MACROD2: variants seen among roughly 807,000 people sequenced by gnomAD.
MACROD2 encodes mono-ADP ribosylhydrolase 2, also known as ADP-ribose glycohydrolase MACROD2.
MACROD2 carries 36 observed loss-of-function variants against 70.4 expected under a neutral mutation model. That is an observed-to-expected ratio of 0.51 (90% CI 0.39 to 0.68). MACROD2 has a LOEUF of 0.68. Among genes scored for constraint, MACROD2 ranks in the 30% least tolerant of loss-of-function variants. MACROD2 has a pLI of 0.00. For missense variants in MACROD2, 496 were observed against 538.4 expected (o/e 0.92, Z 0.78); for synonymous variants, 172 against 178.8 (o/e 0.96, Z 0.30).
At chr20:14,936,591 G>A (rs569882528) in intron 5 of MACROD2, among the ~76,000 whole-genome samples, 1 of 151,660 alleles carries the variant, frequency 6.6e-6, no homozygotes, top group African/African-American at 2.4e-5. Context: ...GCTGATCCAG[G>A]TTATATGGGA....
At chr20:15,518,755 T>C (rs914389999) in intron 8 of MACROD2, among the ~76,000 whole-genome samples, 1 of 152,114 alleles carries the variant, frequency 6.6e-6, no homozygotes, top group Non-Finnish European at 1.5e-5. Flanking sequence ...TCCCAACACT[T>C]TGTGAGGCTG....
At chr20:16,010,263 A>G (rs2066845899) in intron 15 of MACROD2, among the ~76,000 whole-genome samples, 1 of 152,124 alleles carries the variant, frequency 6.6e-6, no homozygotes, top group African/African-American at 2.4e-5. Context: ...TACACAGCCT[A>G]ATTGCAGGAG....
At chr20:15,192,888 G>A (rs1036595790) in intron 5 of MACROD2, among the ~76,000 whole-genome samples, 6 of 152,188 alleles carry the variant, frequency 3.9e-5, no homozygotes, top group Admixed American at 3.9e-4. Flanking sequence ...TTTATAGTTT[G>A]CAATGTTCCT....
chr20:15,415,527 T>G (rs1293939985), intron 6 of MACROD2, among the ~76,000 whole-genome samples: 2 of 152,228 alleles, frequency 1.3e-5, no homozygotes, highest in Non-Finnish European at 2.9e-5. Flanking sequence ...ATATAACACT[T>G]GGCTGTAGTA....
chr20:15,074,453 C>T (rs1340368516), intron 5 of MACROD2, among the ~76,000 whole-genome samples: 1 of 152,164 alleles, frequency 6.6e-6, no homozygotes, highest in Non-Finnish European at 1.5e-5. Flanking sequence ...TTATTCATTC[C>T]TTATCCGTAT....
At chr20:14,691,809 A>G (rs899822702) in intron 5 of MACROD2, among the ~76,000 whole-genome samples, 6 of 152,172 alleles carry the variant, frequency 3.9e-5, no homozygotes, top group Non-Finnish European at 7.4e-5. Context: ...AGCCCCTTCC[A>G]TAATCAAATG....
chr20:14,774,875 T>C (rs1231917766), intron 5 of MACROD2, among the ~76,000 whole-genome samples: 2 of 152,108 alleles, frequency 1.3e-5, no homozygotes, highest in Non-Finnish European at 2.9e-5. Context: ...TGCTGCTTTA[T>C]TTATTATTTA....
chr20:14,665,752 A>G (rs1384605536), intron 4 of MACROD2, among the ~76,000 whole-genome samples: 2 of 151,990 alleles, frequency 1.3e-5, no homozygotes, highest in Non-Finnish European at 2.9e-5. Flanking sequence ...TCCATCCTTT[A>G]GATTTCGTTT....
intron 8 of MACROD2, among the ~76,000 whole-genome samples, chr20:15,700,481 GC>G (rs2050441292): frequency 1.3e-5 from 2 of 152,206 alleles, no homozygotes; most frequent in Non-Finnish European, 2.9e-5. Flanking sequence ...TTAGCAGTCT[GC>G]CCGTTTCTTT....
At chr20:14,057,806 G>A (rs940668417) in intron 2 of MACROD2, among the ~76,000 whole-genome samples, 3 of 152,134 alleles carry the variant, frequency 2.0e-5, no homozygotes, top group Non-Finnish European at 4.4e-5. Context: ...GATTATGGTA[G>A]ATTTAATTCA....
chr20:14,157,382 A>G (rs537379634), intron 3 of MACROD2, among the ~76,000 whole-genome samples: 2 of 152,106 alleles, frequency 1.3e-5, no homozygotes, highest in African/African-American at 2.4e-5. Flanking sequence ...AGTATTTATC[A>G]TTTGTATATG....
chr20:14,702,317 C>G (rs1240217961), intron 5 of MACROD2, among the ~76,000 whole-genome samples: 1 of 151,508 alleles, frequency 6.6e-6, no homozygotes, highest in African/African-American at 2.4e-5. Flanking sequence ...ACAAATTCTT[C>G]TTTTCAGTCT....
intron 15 of MACROD2, among the ~76,000 whole-genome samples, chr20:15,998,162 G>A (rs1461537473): frequency 6.6e-6 from 1 of 152,112 alleles, no homozygotes; most frequent in African/African-American, 2.4e-5. Flanking sequence ...TTTCTATCTA[G>A]CTTTGGTATC....
At chr20:15,434,591 CA>C (rs1353337860) in intron 7 of MACROD2, among the ~76,000 whole-genome samples, 3 of 152,080 alleles carry the variant, frequency 2.0e-5, no homozygotes, top group African/African-American at 7.2e-5. Flanking sequence ...TTAGTACAAC[CA>C]TTATGGAAAA....
intron 8 of MACROD2, among the ~76,000 whole-genome samples, chr20:15,559,202 G>A (rs1282525787): frequency 2.9e-5 from 4 of 139,034 alleles, no homozygotes; most frequent in Non-Finnish European, 4.5e-5. Flanking sequence ...ACTCCAGCCT[G>A]GGCGACAGAG....
intron 6 of MACROD2, among the ~76,000 whole-genome samples, chr20:15,364,679 G>A (rs1355207544): frequency 6.6e-6 from 1 of 152,172 alleles, no homozygotes; most frequent in Admixed American, 6.5e-5. Context: ...AGCTTTACAA[G>A]CCTGTATATA....
chr20:14,343,675 T>C (rs1402849677), intron 3 of MACROD2, among the ~76,000 whole-genome samples: 1 of 152,232 alleles, frequency 6.6e-6, no homozygotes, highest in Non-Finnish European at 1.5e-5. Context: ...GATAACAGTA[T>C]CTAACCCTGG....
intron 5 of MACROD2, among the ~76,000 whole-genome samples, chr20:14,689,121 G>T (rs1420101789): frequency 6.6e-6 from 1 of 152,020 alleles, no homozygotes; most frequent in Non-Finnish European, 1.5e-5. Context: ...CTTTGCACTG[G>T]CATTCCTTCT....
chr20:15,203,992 A>G (rs946559443), intron 5 of MACROD2, among the ~76,000 whole-genome samples: 29 of 152,006 alleles, frequency 1.9e-4, no homozygotes, highest in Non-Finnish European at 4.1e-4. Context: ...GTGCTTTGGG[A>G]AAGTCAAAAT....
Sources: allele counts gnomAD v4.1 joint callset (sites outside exome capture counted in the v4.1 genomes callset), GRCh38; gene constraint gnomAD v4.1.1; transcripts MANE v1.5; gene names NCBI Gene and HGNC (gene_info 2026-07-23, HGNC 2026-07-21).